RPS6KC1: variants seen among roughly 807,000 people sequenced by gnomAD.
RPS6KC1 encodes the protein inactive ribosomal protein S6 kinase delta-1.
In RPS6KC1, 54 loss-of-function variants were observed where a neutral mutation model predicts 103.8. That is an observed-to-expected ratio of 0.52 (90% CI 0.42 to 0.65). The LOEUF is 0.65. Ranked by LOEUF, RPS6KC1 falls within the 30% of genes least tolerant of loss-of-function variation. The pLI, the probability that RPS6KC1 is intolerant of heterozygous loss-of-function variation, is 0.00. For missense variants in RPS6KC1, 1,151 were observed against 1,253.8 expected (o/e 0.92, Z 1.24); for synonymous variants, 439 against 438.7 (o/e 1.00, Z -0.01).
At chr1:213,833,025 A>AC in the RPS6KC1 span, among the ~76,000 whole-genome samples, 1 of 152,020 alleles carries the variant, frequency 6.6e-6, no homozygotes, top group East Asian at 1.9e-4. Flanking sequence ...CCCTGCCCAC[A>AC]CCCCCGAAGA....
At chr1:213,812,344 G>A in the RPS6KC1 span, among the ~76,000 whole-genome samples, 2 of 152,216 alleles carry the variant, frequency 1.3e-5, no homozygotes, top group African/African-American at 4.8e-5. Flanking sequence ...TACTGTCTGA[G>A]TTAATCTCAG....
At chr1:213,118,319 AAAG>A (rs1277210349) in intron 5 of RPS6KC1, among the ~76,000 whole-genome samples, 1 of 152,048 alleles carries the variant, frequency 6.6e-6, no homozygotes, top group East Asian at 1.9e-4. Context: ...ACGGAAAAAA[AAAG>A]ATTTGGGGGC....
At chr1:213,818,043 C>G in the RPS6KC1 span, 1 of 152,184 alleles carries the variant, frequency 6.6e-6, no homozygotes, top group Non-Finnish European at 1.5e-5. Flanking sequence ...CAACATATGA[C>G]AGCAAACTTA....
At chr1:213,399,243 A>T in the RPS6KC1 span, among the ~76,000 whole-genome samples, 9 of 152,206 alleles carry the variant, frequency 5.9e-5, no homozygotes, top group Non-Finnish European at 1.3e-4. Flanking sequence ...TAGCAGGGAA[A>T]CAAGTAAGAA....
the RPS6KC1 span, among the ~76,000 whole-genome samples, chr1:213,729,275 G>T: frequency 6.6e-6 from 1 of 151,974 alleles, no homozygotes; most frequent in East Asian, 1.9e-4. Context: ...TCGGGTTTGA[G>T]GGCTTGAAAT....
the RPS6KC1 span, among the ~76,000 whole-genome samples, chr1:213,732,881 A>G: frequency 1.3e-5 from 2 of 152,198 alleles, no homozygotes; most frequent in Non-Finnish European, 2.9e-5. Flanking sequence ...CCCCTCACGT[A>G]TAAGTGAGAT....
the RPS6KC1 span, among the ~76,000 whole-genome samples, chr1:213,448,239 A>G: frequency 7.8e-6 from 1 of 127,908 alleles, no homozygotes; most frequent in Non-Finnish European, 1.7e-5. Context: ...AAAAAAAAAA[A>G]AAAAAAAAGG....
At chr1:213,350,644 T>C in the RPS6KC1 span, among the ~76,000 whole-genome samples, 1 of 152,208 alleles carries the variant, frequency 6.6e-6, no homozygotes, top group African/African-American at 2.4e-5. Flanking sequence ...GGAATGATTA[T>C]TAAAAACACT....
At chr1:213,291,690 C>T in the RPS6KC1 span, among the ~76,000 whole-genome samples, 6 of 152,250 alleles carry the variant, frequency 3.9e-5, no homozygotes, top group Admixed American at 2.0e-4. Context: ...TGTGGGAGTC[C>T]GAGTGAGTTG....
chr1:213,298,380 C>A, the RPS6KC1 span, among the ~76,000 whole-genome samples: 2 of 152,074 alleles, frequency 1.3e-5, no homozygotes, highest in East Asian at 1.9e-4. Flanking sequence ...TTTGGCCAAC[C>A]CTTTATTTTT....
intron 8 of RPS6KC1, among the ~76,000 whole-genome samples, chr1:213,225,562 T>C (rs1014604336): frequency 6.6e-6 from 1 of 152,122 alleles, no homozygotes; most frequent in African/African-American, 2.4e-5. Flanking sequence ...CTAATTTTTG[T>C]ATTTTTAGTA....
the RPS6KC1 span, among the ~76,000 whole-genome samples, chr1:213,610,806 G>A: frequency 2.0e-5 from 3 of 152,284 alleles, no homozygotes; most frequent in East Asian, 5.8e-4. Context: ...GTTTGCTCCG[G>A]TGGGACATAT....
At chr1:213,631,956 A>T in the RPS6KC1 span, among the ~76,000 whole-genome samples, 2 of 152,108 alleles carry the variant, frequency 1.3e-5, no homozygotes, top group Non-Finnish European at 1.5e-5. Context: ...TCTCTTCTCC[A>T]TCATTGTAGT....
intron 6 of RPS6KC1, among the ~76,000 whole-genome samples, chr1:213,152,186 C>A (rs1436490207): frequency 1.0e-4 from 14 of 137,438 alleles, no homozygotes; most frequent in African/African-American, 3.3e-4. Flanking sequence ...GGGGGGCTGA[C>A]CCCCCACCTC....
chr1:213,679,882 A>G, the RPS6KC1 span, among the ~76,000 whole-genome samples: 5 of 152,238 alleles, frequency 3.3e-5, no homozygotes, highest in Non-Finnish European at 5.9e-5. Flanking sequence ...TTGATCTGCT[A>G]GAGTGCTTAG....
chr1:213,772,129 A>G, the RPS6KC1 span, among the ~76,000 whole-genome samples: 1 of 152,350 alleles, frequency 6.6e-6, no homozygotes, highest in Middle Eastern at 3.4e-3. Context: ...GTTGGAGGAA[A>G]TTATGAATGC....
the RPS6KC1 span, among the ~76,000 whole-genome samples, chr1:213,479,574 G>A: frequency 2.6e-5 from 4 of 151,852 alleles, no homozygotes; most frequent in Non-Finnish European, 4.4e-5. Context: ...TTGATTTATA[G>A]GAGTTATTCA....
intron 6 of RPS6KC1, among the ~76,000 whole-genome samples, chr1:213,156,824 T>C (rs2089942566): frequency 1.3e-5 from 2 of 152,218 alleles, no homozygotes; most frequent in South Asian, 4.1e-4. Flanking sequence ...TTGATTTTCT[T>C]GGTCAGTCTA....
the RPS6KC1 span, among the ~76,000 whole-genome samples, chr1:213,434,325 G>C: frequency 4.0e-5 from 6 of 151,572 alleles, no homozygotes; most frequent in South Asian, 1.0e-3. Context: ...ATTCTTGTTG[G>C]GTATAGAATT....
Sources: gnomAD v4.1 joint callset for allele counts (sites outside exome capture counted in the v4.1 genomes callset) on GRCh38, gnomAD v4.1.1 for gene constraint, MANE v1.5 for transcripts, NCBI Gene and HGNC (gene_info 2026-07-23, HGNC 2026-07-21) for gene names.